FYB2: variants seen among roughly 807,000 people sequenced by gnomAD.
FYB2 encodes FYN-binding protein 2.
FYB2 carries 103 observed loss-of-function variants against 94.1 expected under a neutral mutation model. That is an observed-to-expected ratio of 1.09 (90% CI 0.93 to 1.29). FYB2 has a LOEUF of 1.29. Among genes scored for constraint, FYB2 ranks in the 50% most tolerant of loss-of-function variants. FYB2 has a pLI of 0.00. For synonymous variants in FYB2, 293 were observed against 287.9 expected, an observed-to-expected ratio of 1.02 and a Z score of -0.18; for missense variants, 896 against 841.5, an observed-to-expected ratio of 1.06 and a Z score of -0.80.
chr1:56,776,706 A>G (rs1483094196), intron 4 of FYB2, among the ~76,000 whole-genome samples: 1 of 152,118 alleles, frequency 6.6e-6, no homozygotes, highest in Non-Finnish European at 1.5e-5. Context: ...CACCCTCTGA[A>G]CTAGTGGTAG....
At position 56,744,020 on chromosome 1, in the gene FYB2, A is replaced by G. The variant is rs1569947603; in HGVS notation, c.1543+6T>C. On this transcript the variant is annotated splice_donor_region_variant and intron_variant, in intron 11 of 19. Transcript: ENST00000343433. ...GGCAACTTCAGAAATGTCTTCCTAT[A>G]CTTACCACTACTTGAGGCAAGTGAG... 6.2e-7 allele frequency: 1 copy of G among 1,611,772 alleles called. No individual in the cohort carries two copies. Among genetic ancestry groups the G allele is most frequent in the African/African-American group, 1.3e-5 (1 of 74,838 alleles).
chr1:56,775,337 C>T (rs1645851659), intron 4 of FYB2, among the ~76,000 whole-genome samples: 1 of 152,068 alleles, frequency 6.6e-6, no homozygotes, highest in Admixed American at 6.6e-5. Context: ...CCATGATCAC[C>T]AAGTAAATGT....
chr1:56,779,924 T>C (rs1466943903), intron 4 of FYB2, among the ~76,000 whole-genome samples: 3 of 152,132 alleles, frequency 2.0e-5, no homozygotes, highest in Non-Finnish European at 4.4e-5. Context: ...GGGCAAGCCA[T>C]GGTTTCTCAC....
chr1:56,784,035 TAAC>T (rs1646073139), intron 4 of FYB2, among the ~76,000 whole-genome samples: 1 of 152,158 alleles, frequency 6.6e-6, no homozygotes. Context: ...AGTTAGGTAA[TAAC>T]AACATCATCA....
At chr1:56,809,072 C>A (rs998785341) in intron 1 of FYB2, among the ~76,000 whole-genome samples, 16 of 152,090 alleles carry the variant, frequency 1.1e-4, no homozygotes, top group Non-Finnish European at 2.2e-4. Flanking sequence ...TCACAGAGAC[C>A]ATTCACATTG....
chr1:56,774,948 C>G (rs1207436661), intron 4 of FYB2, among the ~76,000 whole-genome samples: 1 of 152,090 alleles, frequency 6.6e-6, no homozygotes, highest in South Asian at 2.1e-4. Context: ...TGGACTTAAA[C>G]CAGTGGTTTG....
chr1:56,789,234 C>T, intron 2 of FYB2, 100 bp from the exon 3 acceptor site: 2 of 1,318,612 alleles, frequency 1.5e-6, no homozygotes, highest in Non-Finnish European at 2.1e-6. Flanking sequence ...CCCGTCCAAT[C>T]TATTCTCCAC....
upstream of FYB2, among the ~76,000 whole-genome samples, chr1:56,822,090 T>G (rs1381607483): frequency 6.6e-6 from 1 of 152,180 alleles, no homozygotes; most frequent in East Asian, 1.9e-4. Flanking sequence ...TATAAAGAAA[T>G]GACTGACTGA....
At chr1:56,754,877 A>C (rs1463174649) in intron 7 of FYB2, among the ~76,000 whole-genome samples, 1 of 152,102 alleles carries the variant, frequency 6.6e-6, no homozygotes, top group East Asian at 1.9e-4. Flanking sequence ...CCTGTGCCTT[A>C]CCATGTGACC....
intron 2 of FYB2, among the ~76,000 whole-genome samples, chr1:56,790,553 T>C (rs1646237097): frequency 6.6e-6 from 1 of 152,182 alleles, no homozygotes; most frequent in Admixed American, 6.5e-5. Context: ...ACATCTTTCT[T>C]CCCATCTGTC....
At chr1:56,719,854 CA>C (rs1319112077) in intron 19 of FYB2, among the ~76,000 whole-genome samples, 162 bp from the exon 20 acceptor site, 1 of 151,984 alleles carries the variant, frequency 6.6e-6, no homozygotes, top group Non-Finnish European at 1.5e-5. Context: ...TCAGGAGAGA[CA>C]GTAATAAAGT....
chr1:56,738,737 TG>T, intron 13 of FYB2, 84 bp from the exon 14 acceptor site: 1 of 1,425,590 alleles, frequency 7.0e-7, no homozygotes, highest in Non-Finnish European at 9.8e-7. Flanking sequence ...AATAACATAT[TG>T]ATGATGCTGG....
chr1:56,813,000 C>T (rs1044841552), intron 1 of FYB2, among the ~76,000 whole-genome samples: 13 of 152,280 alleles, frequency 8.5e-5, no homozygotes, highest in Admixed American at 8.5e-4. Flanking sequence ...AGGGTTGGTT[C>T]TTTTCTGAGG....
intron 1 of FYB2, among the ~76,000 whole-genome samples, chr1:56,810,454 C>A (rs1646742631): frequency 6.6e-6 from 1 of 151,894 alleles, no homozygotes; most frequent in South Asian, 2.1e-4. Flanking sequence ...GGCATGGGAC[C>A]CACTCTGTAA....
At chr1:56,720,536 C>T (rs538597855) in intron 17 of FYB2, 7 of 391,208 alleles carry the variant, frequency 1.8e-5, no homozygotes, top group African/African-American at 1.3e-4. Context: ...TGCAATCTCA[C>T]ATTTGTTTGG....
rs1644491468 is a variant in FYB2, at chr1:56,721,876, AT to A, written c.1975-1548del. 4.6e-5 allele frequency among the ~76,000 whole-genome samples: 7 copies of A among 152,230 alleles called. No individual in the cohort carries two copies. In the South Asian group the frequency reaches 1.4e-3, roughly 32 times the overall value. The stretch of plus-strand genomic sequence containing the variant: ...TAACATACTGTCTTATCAAATGAAA[AT>A]AGTAGACAGTCTTATTCATCTTTGT... On this transcript the variant is annotated intron_variant, in intron 17 of 19. Transcript: ENST00000343433.
intron 4 of FYB2, among the ~76,000 whole-genome samples, chr1:56,768,209 T>G (rs1209408877): frequency 3.9e-5 from 6 of 152,058 alleles, no homozygotes; most frequent in Non-Finnish European, 7.4e-5. Context: ...AAATTCACAA[T>G]TAAAGATGCA....
At position 56,792,085 on chromosome 1, in the gene FYB2, T is replaced by C; in HGVS notation, c.728A>G (p.Tyr243Cys). The C allele has an allele frequency of 1.2e-6, 2 of 1,605,432 alleles. No individual in the cohort carries two copies. Among genetic ancestry groups the C allele is most frequent in the Non-Finnish European group, 1.7e-6 (2 of 1,176,702 alleles). ...SPASSPCQPI[Y>C]ECELASQAPE... Reference sequence around the variant, plus strand: ...GGCCTGACTGGCAAGCTCACACTCATAGATGGGCTGGCAGGGGCTGCTTGC... The same window carrying C: ...GGCCTGACTGGCAAGCTCACACTCACAGATGGGCTGGCAGGGGCTGCTTGC... The change falls in exon 2 of 20, where the codon TAT becomes TGT. Residue 243 changes from tyrosine to cysteine, a missense_variant. By Grantham distance (194) the Tyr-to-Cys change is radical (BLOSUM62 -2). Coordinates refer to ENST00000343433, the MANE Select transcript of FYB2 (RefSeq NM_001004303.5).
chr1:56,750,789 A>G (rs1645178741), intron 9 of FYB2, among the ~76,000 whole-genome samples: 1 of 151,984 alleles, frequency 6.6e-6, no homozygotes, highest in South Asian at 2.1e-4. Flanking sequence ...TTATAAATGA[A>G]GAAATTGAGT....
Sources: gnomAD v4.1 joint callset for allele counts (sites outside exome capture counted in the v4.1 genomes callset) on GRCh38, gnomAD v4.1.1 for gene constraint, MANE v1.5 for transcripts, NCBI Gene and HGNC (gene_info 2026-07-23, HGNC 2026-07-21) for gene names.